The following GPC3 variants were observed in gnomAD, a reference collection of about 807,000 sequenced individuals.
The protein encoded by GPC3 is glypican-3.
GPC3 carries 3 observed loss-of-function variants against 34.4 expected under a neutral mutation model. That is an observed-to-expected ratio of 0.09 (90% confidence interval 0.04 to 0.23). The LOEUF is 0.23. Ranked by LOEUF, GPC3 falls within the 10% of genes least tolerant of loss-of-function variation. GPC3 has a pLI of 1.00. For missense variants in GPC3, 351 were observed against 445.6 expected, an observed-to-expected ratio of 0.79 and a Z score of 1.91; for synonymous variants, 177 against 174.0, an observed-to-expected ratio of 1.02 and a Z score of -0.13.
intron 7 of GPC3, among the ~76,000 whole-genome samples, chrX:133,548,854 C>T (rs1375189296): frequency 9.0e-6 from 1 of 111,353 alleles, no homozygotes; most frequent in Non-Finnish European, 1.9e-5. Context: ...TCTCTTTTTG[C>T]CTGCCGCCAT....
intron 6 of GPC3, among the ~76,000 whole-genome samples, chrX:133,616,542 C>G (rs964264106): frequency 9.1e-6 from 1 of 110,417 alleles, no homozygotes; most frequent in East Asian, 2.8e-4. Context: ...TATGAAAGTA[C>G]TGAGAATAGC....
intron 7 of GPC3, among the ~76,000 whole-genome samples, chrX:133,573,276 A>G (rs1259965428): frequency 5.3e-5 from 6 of 112,322 alleles, no homozygotes; most frequent in African/African-American, 1.3e-4. Context: ...CAGGGCATCT[A>G]TAAAAACCTC....
At chrX:133,885,923 G>A (rs1321536194) in intron 2 of GPC3, among the ~76,000 whole-genome samples, 1 of 110,749 alleles carries the variant, frequency 9.0e-6, no homozygotes, top group Non-Finnish European at 1.9e-5. Context: ...AAAAAATCAA[G>A]GCAAGGAAAT....
rs1193207777 is a variant in GPC3 at position 133,763,492 on chromosome X, G to A, written c.338-9316C>T. On this transcript the variant is annotated intron_variant, in intron 2 of 7. Transcript: ENST00000370818. Reference sequence around the variant, plus strand: ...GGAGGAATTTCAAAGTGAATGGACTGCTCCAGCTCCTGAGTTCACTGCTAC... The same window carrying A: ...GGAGGAATTTCAAAGTGAATGGACTACTCCAGCTCCTGAGTTCACTGCTAC... The A allele has an allele frequency of 1.1e-5, 6 of 545,190 alleles. No homozygotes were observed. The African/African-American group carries it at 1.1e-4, about 10-fold the overall frequency. The allele number at this position is 545,190 out of a possible 1,213,427, so 44.9% of individuals were successfully genotyped here. A position where few individuals can be genotyped will look rare whatever the true frequency, so the allele number is the denominator to read the frequency against.
chrX:133,555,326 A>G (rs1350890651), intron 7 of GPC3, among the ~76,000 whole-genome samples: 3 of 112,190 alleles, frequency 2.7e-5, no homozygotes, highest in African/African-American at 9.7e-5. Context: ...GCCTCTGCTC[A>G]TTTCTTAAAG....
intron 2 of GPC3, among the ~76,000 whole-genome samples, chrX:133,759,208 T>A (rs866135367): frequency 8.9e-6 from 1 of 112,211 alleles, no homozygotes; most frequent in African/African-American, 3.2e-5. Flanking sequence ...CAACATGATC[T>A]ATAAATTCAA....
At position 133,692,430 on chromosome X, in the gene GPC3, TGCAGATGTAGCCAGGCAAA is replaced by T; in HGVS notation, c.1212_1230del (p.Leu405AlafsTer31). 8.3e-7 allele frequency: 1 copy of T among 1,206,756 alleles called. No individual in the cohort carries two copies. Among genetic ancestry groups the T allele is most frequent in the Non-Finnish European group, 1.1e-6 (1 of 890,438 alleles). On this transcript the variant is annotated frameshift_variant, in exon 5 of 8. Transcript: ENST00000370818. LOFTEE classifies it high-confidence loss of function. ...TCGTTTTCCGCCACAGGGCTATGGC[TGCAGATGTAGCCAGGCAAA>T]GCACTATAGAAGCTGATGAAAGACT...
chrX:133,779,462 T>C (rs2124501396), intron 2 of GPC3, among the ~76,000 whole-genome samples: 1 of 112,073 alleles, frequency 8.9e-6, no homozygotes. Flanking sequence ...TCCTGTACTT[T>C]GGGTTCTCTA....
chrX:133,963,048 G>A (rs757211015), intron 1 of GPC3, among the ~76,000 whole-genome samples: 3 of 112,013 alleles, frequency 2.7e-5, no homozygotes, highest in Non-Finnish European at 3.8e-5. Context: ...ATTCTCAACC[G>A]GGCATTGGGA....
At chrX:133,684,422 T>C (rs775870792) in intron 5 of GPC3, among the ~76,000 whole-genome samples, 15 of 111,712 alleles carry the variant, frequency 1.3e-4, no homozygotes, top group African/African-American at 3.6e-4. Context: ...TTGAAGACTA[T>C]ACCTCAGTTT....
intron 2 of GPC3, among the ~76,000 whole-genome samples, chrX:133,826,365 A>G (rs1471867464): frequency 1.8e-5 from 2 of 112,045 alleles, no homozygotes; most frequent in African/African-American, 6.5e-5. Context: ...GAAAAACTAA[A>G]TAGAAATTCT....
At chrX:133,834,092 C>G (rs1413136152) in intron 2 of GPC3, among the ~76,000 whole-genome samples, 3 of 112,229 alleles carry the variant, frequency 2.7e-5, no homozygotes, top group Non-Finnish European at 5.6e-5. Flanking sequence ...CATAGTATTC[C>G]ATCATATTGC....
chrX:133,694,764 AAAAC>A (rs2071098019), intron 4 of GPC3, among the ~76,000 whole-genome samples: 2 of 109,042 alleles, frequency 1.8e-5, no homozygotes, highest in Non-Finnish European at 1.9e-5. Context: ...AAAAAACCAA[AAAAC>A]AAACAAAAAA....
chrX:133,788,101 T>TATAC (rs1329420334), intron 2 of GPC3, among the ~76,000 whole-genome samples: 1 of 86,406 alleles, frequency 1.2e-5, no homozygotes, highest in Non-Finnish European at 2.1e-5. Flanking sequence ...TATATATATA[T>TATAC]ATATATATAT....
At chrX:133,591,919 C>T (rs2069852554) in intron 7 of GPC3, among the ~76,000 whole-genome samples, 1 of 111,361 alleles carries the variant, frequency 9.0e-6, no homozygotes. Context: ...GTTGTCTGGG[C>T]AACTTTAGAT....
In GPC3 at chrX:133,823,148, A is replaced by C. The variant is rs1370691977; in HGVS notation, c.338-68972T>G. 5.0e-5 allele frequency among the ~76,000 whole-genome samples: 5 copies of C among 99,643 alleles called. No individual in the cohort carries two copies. In the South Asian group the frequency reaches 2.3e-3, roughly 46 times the overall value. 86.5% of individuals were successfully genotyped at this position (99,643 alleles called of 115,157 possible). A position where few individuals can be genotyped will look rare whatever the true frequency, so the allele number is the denominator to read the frequency against. ...CGTCTCAAAAAAAAAAAAAAAAAAAAAAAAAAAAAAAAAAAAAACTGGCTG... is the reference window on the plus strand; with the variant it reads ...CGTCTCAAAAAAAAAAAAAAAAAAACAAAAAAAAAAAAAAAAAACTGGCTG... On this transcript the variant is annotated intron_variant, in intron 2 of 7. Coordinates refer to ENST00000370818, the MANE Select transcript of GPC3 (RefSeq NM_004484.4).
At chrX:133,970,160 GAGAC>G (rs1281402841) in intron 1 of GPC3, among the ~76,000 whole-genome samples, 4 of 111,788 alleles carry the variant, frequency 3.6e-5, no homozygotes, top group African/African-American at 1.3e-4. Context: ...CAGCTGATAA[GAGAC>G]AGAAATCCTT....
intron 6 of GPC3, among the ~76,000 whole-genome samples, chrX:133,647,505 T>C (rs1988456455): frequency 8.9e-6 from 1 of 112,556 alleles, no homozygotes. Context: ...ATATATAACA[T>C]GTGTAAAGTT....
chrX:133,594,514 T>C (rs898911010), intron 7 of GPC3, among the ~76,000 whole-genome samples: 5 of 112,264 alleles, frequency 4.5e-5, no homozygotes, highest in South Asian at 7.4e-4. Context: ...GGTACATACA[T>C]ACAATGGAAT....
Sources: gnomAD v4.1 joint callset for allele counts (sites outside exome capture counted in the v4.1 genomes callset) on GRCh38, gnomAD v4.1.1 for gene constraint, MANE v1.5 for transcripts, NCBI Gene and HGNC (gene_info 2026-07-23, HGNC 2026-07-21) for gene names.